The following SMAD3 variants were observed in gnomAD, a reference collection of about 807,000 sequenced individuals.
The protein encoded by SMAD3 is MAD homolog 3.
In SMAD3, 12 loss-of-function variants were observed where a neutral mutation model predicts 51.8. That is an observed-to-expected ratio of 0.23 (90% CI 0.15 to 0.38). The LOEUF is 0.38. Among genes scored for constraint, SMAD3 ranks in the 10% least tolerant of loss-of-function variants. SMAD3 has a pLI of 1.00. For missense variants in SMAD3, 294 were observed against 565.6 expected (o/e 0.52, Z 4.87); for synonymous variants, 238 against 227.7 (o/e 1.05, Z -0.41).
In SMAD3 at chr15:67,190,004, G is replaced by C. The variant is rs556809733; in HGVS notation, c.1155-409G>C. Among the ~76,000 whole-genome samples, 12 of 152,100 alleles carry C rather than the reference G, an allele frequency of 7.9e-5. 1 individual carries two copies. Among genetic ancestry groups the C allele is most frequent in the African/African-American group, 2.9e-4 (12 of 41,496 alleles). ...CCTGCTGGGGCTGGGCCCAGATTTC[G>C]AGATAGGGGAGCGGCACGTGCCCGT... On this transcript the variant is annotated intron_variant, in intron 8 of 8. Transcript: ENST00000327367.
At chr15:67,171,602 T>C (rs555871097) in intron 5 of SMAD3, among the ~76,000 whole-genome samples, 6 of 152,210 alleles carry the variant, frequency 3.9e-5, no homozygotes, top group African/African-American at 7.2e-5. Flanking sequence ...TCAAAGTGGA[T>C]TGGACTGGTT....
chr15:67,186,934 TC>T (rs1963235853), intron 7 of SMAD3: 1 of 387,006 alleles, frequency 2.6e-6, no homozygotes, highest in South Asian at 1.9e-5. Context: ...GAGCTCCTGT[TC>T]CTAGGTGGGT....
intron 1 of SMAD3, 75 bp from the exon 2 acceptor site, chr15:67,164,820 G>A: frequency 2.0e-6 from 3 of 1,484,602 alleles, no homozygotes; most frequent in East Asian, 4.5e-5. Context: ...GTGTCTGAAA[G>A]TAGGAGGCCG....
rs1209165713 is a variant in SMAD3 at position 67,192,362 on chromosome 15, G to C, written c.*1826G>C. Reference sequence around the variant, plus strand: ...GACTTGTGTGAGTCTTCTCGAAGGAGGGTTGACTCAGAACCCAGAGACAAT... The same window carrying C: ...GACTTGTGTGAGTCTTCTCGAAGGACGGTTGACTCAGAACCCAGAGACAAT... On this transcript the variant is annotated 3_prime_UTR_variant, in exon 9 of 9. Coordinates refer to ENST00000327367, the MANE Select transcript of SMAD3 (RefSeq NM_005902.4). 1 of 233,074 alleles carries C rather than the reference G, an allele frequency of 4.3e-6. No individual in the cohort carries two copies. Among genetic ancestry groups the C allele is most frequent in the Non-Finnish European group, 8.5e-6 (1 of 117,914 alleles). The allele number at this position is 233,074 out of a possible 1,614,324, so 14.4% of individuals were successfully genotyped here.
chr15:67,100,898 A>G (rs902893987), intron 1 of SMAD3, among the ~76,000 whole-genome samples: 1 of 152,138 alleles, frequency 6.6e-6, no homozygotes, highest in South Asian at 2.1e-4. Flanking sequence ...CTCACTTTCT[A>G]TTGGGGAAGT....
chr15:67,166,858 G>T lies in SMAD3; in HGVS notation c.607+5G>T, dbSNP rs772419612. ...TGAACCACAGCATGGACGCAGGTCA[G>T]TCATGCAGGGTCATGCTCTTATTCT... is the stretch of plus-strand genomic sequence containing the variant. On this transcript the variant is annotated splice_donor_5th_base_variant and intron_variant, in intron 4 of 8. Transcript: ENST00000327367. The T allele has an allele frequency of 1.3e-6, 2 of 1,574,294 alleles. No individual in the cohort carries two copies. The highest frequency in any genetic ancestry group is 1.7e-4 in the Middle Eastern group (1 of 6,012).
intron 1 of SMAD3, among the ~76,000 whole-genome samples, chr15:67,070,336 T>A (rs1346142293): frequency 6.6e-6 from 1 of 152,090 alleles, no homozygotes; most frequent in Non-Finnish European, 1.5e-5. Flanking sequence ...TGATGAGGGA[T>A]CTGACTCAGC....
chr15:67,107,584 C>T (rs147551913), intron 1 of SMAD3, among the ~76,000 whole-genome samples: 27 of 152,324 alleles, frequency 1.8e-4, no homozygotes, highest in Middle Eastern at 3.4e-3. Flanking sequence ...CGGCCCTTCC[C>T]GCCTCTCTGA....
chr15:67,151,525 G>A (rs1962144290), intron 1 of SMAD3, among the ~76,000 whole-genome samples: 1 of 152,064 alleles, frequency 6.6e-6, no homozygotes, highest in South Asian at 2.1e-4. Context: ...TAGAGACAGG[G>A]TTTCACTATG....
intron 1 of SMAD3, among the ~76,000 whole-genome samples, chr15:67,091,064 A>G (rs1402346744): frequency 6.6e-6 from 1 of 152,146 alleles, no homozygotes; most frequent in Non-Finnish European, 1.5e-5. Flanking sequence ...GTTTCTTTTG[A>G]TTTTAATTGT....
chr15:67,117,106 G>A lies in SMAD3; in HGVS notation c.207-47789G>A, dbSNP rs140726493. Reference sequence around the variant, plus strand: ...AAATATGTCTCTGCCTCCCCTTGTGGAGGGATGTGGCTCCTTGAGATCTGG... The same window carrying A: ...AAATATGTCTCTGCCTCCCCTTGTGAAGGGATGTGGCTCCTTGAGATCTGG... On this transcript the variant is annotated intron_variant, in intron 1 of 8. Transcript: ENST00000327367. Among the ~76,000 whole-genome samples the A allele has an allele frequency of 2.8e-4, 42 of 152,298 alleles. 1 individual carries two copies. The East Asian group carries it at 7.0e-3, about 25-fold the overall frequency.
At chr15:67,128,434 G>T (rs1334218470) in intron 1 of SMAD3, among the ~76,000 whole-genome samples, 1 of 152,100 alleles carries the variant, frequency 6.6e-6, no homozygotes, top group Non-Finnish European at 1.5e-5. Flanking sequence ...TGTAAAACAT[G>T]GGGTTCTTGA....
intron 1 of SMAD3, among the ~76,000 whole-genome samples, chr15:67,111,444 T>C (rs1406901646): frequency 6.6e-6 from 1 of 152,276 alleles, no homozygotes; most frequent in Non-Finnish European, 1.5e-5. Context: ...ATAATGCTGC[T>C]ACGAATATTT....
chr15:67,172,548 G>C (rs985036809), intron 5 of SMAD3, among the ~76,000 whole-genome samples: 1 of 152,268 alleles, frequency 6.6e-6, no homozygotes, highest in African/African-American at 2.4e-5. Flanking sequence ...TGGTGATGAT[G>C]ATGGGAAACA....
chr15:67,170,634 A>G, intron 5 of SMAD3, 30 bp downstream of exon 5: 1 of 1,603,804 alleles, frequency 6.2e-7, no homozygotes, highest in South Asian at 1.1e-5. Flanking sequence ...CACAACTGGA[A>G]CCCCCTCTAG....
At chr15:67,164,468 A>G (rs574139512) in intron 1 of SMAD3, among the ~76,000 whole-genome samples, 2 of 152,112 alleles carry the variant, frequency 1.3e-5, no homozygotes, top group East Asian at 1.9e-4. Context: ...TGTAGTCCTC[A>G]TATCTGTGCC....
chr15:67,095,065 T>C lies in SMAD3; in HGVS notation c.206+28705T>C, dbSNP rs114051632. On this transcript the variant is annotated intron_variant, in intron 1 of 8. Coordinates refer to ENST00000327367, the MANE Select transcript of SMAD3 (RefSeq NM_005902.4). ...CATATGTACAAGGCATTGCTTAGTG[T>C]TTACCACCTTGCTGTGAGCTGGTAA... Among the ~76,000 whole-genome samples, 410 of 152,184 alleles carry C rather than the reference T, an allele frequency of 2.7e-3. 3 individuals carry two copies. Among genetic ancestry groups the C allele is most frequent in the African/African-American group, 9.1e-3 (376 of 41,526 alleles).
chr15:67,117,735 GAT>G (rs1465798599), intron 1 of SMAD3, among the ~76,000 whole-genome samples: 8 of 152,204 alleles, frequency 5.3e-5, no homozygotes, highest in Non-Finnish European at 1.2e-4. Context: ...ATGTTTTAAT[GAT>G]AACATAGAAG....
chr15:67,072,301 G>T (rs1960072750), intron 1 of SMAD3, among the ~76,000 whole-genome samples: 1 of 152,170 alleles, frequency 6.6e-6, no homozygotes, highest in East Asian at 1.9e-4. Context: ...CCATTATTCT[G>T]CGTGAGCTCC....
Sources: gnomAD v4.1 joint callset for allele counts (sites outside exome capture counted in the v4.1 genomes callset) on GRCh38, gnomAD v4.1.1 for gene constraint, MANE v1.5 for transcripts, NCBI Gene and HGNC (gene_info 2026-07-23, HGNC 2026-07-21) for gene names.